KCNQ5: variants seen among roughly 807,000 people sequenced by gnomAD.
KCNQ5 encodes the protein potassium voltage-gated channel subfamily KQT member 5.
Under a neutral mutation model 98.2 loss-of-function variants are expected in KCNQ5, and 30 were observed. The observed-to-expected ratio is 0.31, with a 90% CI of 0.23 to 0.41. The LOEUF is 0.41. KCNQ5 is among the 10% of genes least tolerant of loss of function. KCNQ5 has a pLI of 1.00. For synonymous variants in KCNQ5, 458 were observed against 449.4 expected (o/e 1.02, Z -0.24); for missense variants, 835 against 1,182.5 (o/e 0.71, Z 4.31).
intron 6 of KCNQ5, among the ~76,000 whole-genome samples, chr6:73,105,728 T>C (rs1774971143): frequency 6.6e-6 from 1 of 152,236 alleles, no homozygotes; most frequent in African/African-American, 2.4e-5. Flanking sequence ...TGTGTGCTAC[T>C]TAAGAGACAG....
intron 1 of KCNQ5, among the ~76,000 whole-genome samples, chr6:72,818,911 T>TA (rs1175702831): frequency 1.3e-5 from 2 of 151,734 alleles, no homozygotes; most frequent in African/African-American, 2.4e-5. Context: ...TATTTCACAG[T>TA]AATGCTTCAG....
intron 10 of KCNQ5, among the ~76,000 whole-genome samples, chr6:73,151,271 AT>A (rs1377417443): frequency 6.6e-6 from 1 of 152,048 alleles, no homozygotes; most frequent in East Asian, 1.9e-4. Flanking sequence ...GCCATTTTCT[AT>A]TTATTTTAGT....
At chr6:72,771,898 A>G (rs1259216555) in intron 1 of KCNQ5, among the ~76,000 whole-genome samples, 1 of 152,092 alleles carries the variant, frequency 6.6e-6, no homozygotes, top group Non-Finnish European at 1.5e-5. Context: ...TTATTTACGT[A>G]TAGGGAACAA....
chr6:72,654,910 A>G (rs910004826), intron 1 of KCNQ5, among the ~76,000 whole-genome samples: 2 of 152,118 alleles, frequency 1.3e-5, no homozygotes, highest in African/African-American at 4.8e-5. Flanking sequence ...ATGCTTGAAC[A>G]TTTTTAAATG....
intron 2 of KCNQ5, among the ~76,000 whole-genome samples, chr6:73,019,907 A>G (rs1770513666): frequency 6.6e-6 from 1 of 152,186 alleles, no homozygotes; most frequent in Non-Finnish European, 1.5e-5. Flanking sequence ...CATTGGGATC[A>G]TTCTGTCTTT....
chr6:72,633,855 C>T (rs962131117), intron 1 of KCNQ5, among the ~76,000 whole-genome samples: 1 of 152,138 alleles, frequency 6.6e-6, no homozygotes, highest in African/African-American at 2.4e-5. Context: ...AAACTGGACC[C>T]CTACCTTTCA....
chr6:72,920,760 T>A (rs1308300426), intron 1 of KCNQ5, among the ~76,000 whole-genome samples: 1 of 152,224 alleles, frequency 6.6e-6, no homozygotes, highest in Non-Finnish European at 1.5e-5. Flanking sequence ...ATTTTCTAAG[T>A]GCAGTGGTTT....
At chr6:73,182,534 C>T (rs1333561732) in intron 11 of KCNQ5, among the ~76,000 whole-genome samples, 1 of 152,198 alleles carries the variant, frequency 6.6e-6, no homozygotes, top group African/African-American at 2.4e-5. Flanking sequence ...TCCACCCCCT[C>T]ATCCTGTAGT....
intron 1 of KCNQ5, among the ~76,000 whole-genome samples, chr6:72,695,816 T>C (rs1344704802): frequency 6.6e-6 from 1 of 152,156 alleles, no homozygotes; most frequent in African/African-American, 2.4e-5. Context: ...ATCCCAGCTA[T>C]TCAGGAAGCT....
At chr6:73,091,326 T>A (rs1330937802) in intron 5 of KCNQ5, among the ~76,000 whole-genome samples, 2 of 151,670 alleles carry the variant, frequency 1.3e-5, no homozygotes, top group Non-Finnish European at 2.9e-5. Flanking sequence ...CTGTCAGGGG[T>A]TAGGGGGCTG....
chr6:72,935,281 G>A (rs1275023402), intron 1 of KCNQ5, among the ~76,000 whole-genome samples: 2 of 151,868 alleles, frequency 1.3e-5, no homozygotes, highest in Non-Finnish European at 2.9e-5. Flanking sequence ...ACGTTGGCCA[G>A]GCTGATCTCA....
chr6:72,834,614 A>G (rs1208150233), intron 1 of KCNQ5, among the ~76,000 whole-genome samples: 2 of 152,164 alleles, frequency 1.3e-5, no homozygotes, highest in African/African-American at 2.4e-5. Flanking sequence ...AGCACAATTA[A>G]ATTCTATCCT....
At chr6:73,161,460 A>C (rs1777611736) in intron 10 of KCNQ5, among the ~76,000 whole-genome samples, 1 of 152,252 alleles carries the variant, frequency 6.6e-6, no homozygotes, top group Non-Finnish European at 1.5e-5. Context: ...AAATAGCTAG[A>C]AAAGAATAAT....
chr6:72,719,344 T>G (rs1241262620), intron 1 of KCNQ5, among the ~76,000 whole-genome samples: 1 of 152,212 alleles, frequency 6.6e-6, no homozygotes, highest in Non-Finnish European at 1.5e-5. Context: ...TTTCCAAAGA[T>G]AACTAGGCTC....
At chr6:72,831,727 AT>A (rs201253248) in intron 1 of KCNQ5, among the ~76,000 whole-genome samples, 32 of 132,252 alleles carry the variant, frequency 2.4e-4, no homozygotes, top group South Asian at 1.8e-3. Flanking sequence ...TTAAAGTATA[AT>A]TTAAAAAAAA....
intron 1 of KCNQ5, among the ~76,000 whole-genome samples, chr6:72,623,645 C>T (rs2098916687): frequency 6.6e-6 from 1 of 151,652 alleles, no homozygotes; most frequent in Non-Finnish European, 1.5e-5. Flanking sequence ...TTCTTTTTTT[C>T]TTCCTCTTCT....
intron 1 of KCNQ5, among the ~76,000 whole-genome samples, chr6:72,660,510 G>A (rs1766457936): frequency 6.6e-6 from 1 of 152,156 alleles, no homozygotes; most frequent in African/African-American, 2.4e-5. Context: ...TTGTAATGAA[G>A]TTTCTTAGCA....
At chr6:72,631,500 A>G (rs569811206) in intron 1 of KCNQ5, among the ~76,000 whole-genome samples, 1 of 151,470 alleles carries the variant, frequency 6.6e-6, no homozygotes, top group African/African-American at 2.4e-5. Flanking sequence ...AGAGAGTTTC[A>G]AAAAAAAATA....
intron 1 of KCNQ5, among the ~76,000 whole-genome samples, chr6:72,905,618 GA>G (rs1341970857): frequency 6.6e-6 from 1 of 152,144 alleles, no homozygotes; most frequent in Non-Finnish European, 1.5e-5. Context: ...GGCTTCCTGA[GA>G]GCCAAGCTGT....
Sources: gnomAD v4.1 joint callset for allele counts (sites outside exome capture counted in the v4.1 genomes callset) on GRCh38, gnomAD v4.1.1 for gene constraint, MANE v1.5 for transcripts, NCBI Gene and HGNC (gene_info 2026-07-23, HGNC 2026-07-21) for gene names.